CPEB2: variants seen among roughly 807,000 people sequenced by gnomAD.
CPEB2 encodes the protein cytoplasmic polyadenylation element binding protein 2.
A neutral mutation model predicts 93.6 loss-of-function variants in CPEB2; 56 were observed. The ratio of observed to expected loss-of-function variants is 0.60; its 90% CI spans 0.48 to 0.75. The LOEUF (loss-of-function observed/expected upper bound fraction) is 0.75. Ranked by LOEUF, CPEB2 falls within the 30% of genes least tolerant of loss-of-function variation. The pLI is 0.00. For synonymous variants in CPEB2, 764 were observed against 586.3 expected (o/e 1.30, Z -4.38); for missense variants, 1,579 against 1,395.1 (o/e 1.13, Z -2.10).
At chr4:15,023,160 A>G (rs1724989134) in intron 4 of CPEB2, among the ~76,000 whole-genome samples, 1 of 152,024 alleles carries the variant, frequency 6.6e-6, no homozygotes, top group Admixed American at 6.6e-5. Context: ...TCACCACAAA[A>G]CATCTTTCAT....
intron 10 of CPEB2, among the ~76,000 whole-genome samples, chr4:15,061,472 A>G (rs778843059): frequency 1.3e-5 from 2 of 152,008 alleles, no homozygotes; most frequent in Admixed American, 6.6e-5. Context: ...ACTTACAGAT[A>G]GATTGACCAT....
intron 4 of CPEB2, among the ~76,000 whole-genome samples, chr4:15,028,609 T>G (rs551041807): frequency 6.6e-6 from 1 of 151,998 alleles, no homozygotes; most frequent in South Asian, 2.1e-4. Context: ...GCAGAAAAAA[T>G]ATACTATCAA....
chr4:15,013,993 T>C (rs947814812), intron 3 of CPEB2, among the ~76,000 whole-genome samples: 2 of 152,012 alleles, frequency 1.3e-5, no homozygotes, highest in African/African-American at 4.8e-5. Flanking sequence ...CCTCTCAAAA[T>C]TGATTATATA....
chr4:15,052,281 A>G (rs1037442231), intron 6 of CPEB2, 133 bp from the exon 7 acceptor site: 3 of 547,484 alleles, frequency 5.5e-6, no homozygotes, highest in Non-Finnish European at 9.0e-6. Flanking sequence ...TGCTATTTAA[A>G]TTTCTCTTAA....
chr4:15,038,149 A>G (rs1726817652), intron 5 of CPEB2, among the ~76,000 whole-genome samples: 1 of 152,216 alleles, frequency 6.6e-6, no homozygotes, highest in Non-Finnish European at 1.5e-5. Context: ...ATAGCTCTTT[A>G]CAGGATTCTA....
intron 5 of CPEB2, among the ~76,000 whole-genome samples, chr4:15,038,768 T>C (rs1726889531): frequency 6.6e-6 from 1 of 152,062 alleles, no homozygotes; most frequent in Non-Finnish European, 1.5e-5. Flanking sequence ...TTTGTATTTT[T>C]AGTAGAGACG....
intron 4 of CPEB2, among the ~76,000 whole-genome samples, chr4:15,026,233 T>G (rs1217436760): frequency 7.3e-6 from 1 of 137,764 alleles, no homozygotes; most frequent in East Asian, 2.0e-4. Context: ...TTTGTTTTTG[T>G]TTTTGTTTTT....
chr4:15,054,288 C>G, intron 8 of CPEB2, 71 bp downstream of exon 8: 1 of 1,031,034 alleles, frequency 9.7e-7, no homozygotes, highest in Non-Finnish European at 1.5e-6. Context: ...ATAGCAATTA[C>G]TTAGCCAGTT....
intron 4 of CPEB2, among the ~76,000 whole-genome samples, chr4:15,030,454 G>A (rs139574152): frequency 2.0e-5 from 3 of 152,118 alleles, no homozygotes; most frequent in East Asian, 1.9e-4. Flanking sequence ...TCATAGGATC[G>A]TTCTTAGGAT....
Position 15,013,362 on chromosome 4 carries a change from C to T in CPEB2, c.2035-3826C>T, listed in dbSNP as rs182223725. ...GCATGCACACTTTTCCTCATAGAGT[C>T]TTATATTTCTGAAGTATTTTGGTGC... On this transcript the variant is annotated intron_variant, in intron 3 of 11. Transcript: ENST00000538197. Among the ~76,000 whole-genome samples the T allele has an allele frequency of 6.7e-3, 1,013 of 151,996 alleles. 12 individuals are homozygous for T. Among genetic ancestry groups the T allele is most frequent in the African/African-American group, 0.023 (953 of 41,508 alleles).
Position 15,050,511 on chromosome 4 carries a change from C to T in CPEB2, c.2201-1903C>T, listed in dbSNP as rs558119041. On this transcript the variant is annotated intron_variant, in intron 6 of 11. Transcript: ENST00000538197. ...CTGTTTTTCCTTCTCTAACATACTT[C>T]TCTTCATTTGATCTCTATACGTAAT... is the stretch of plus-strand genomic sequence containing the variant. 9.2e-5 allele frequency among the ~76,000 whole-genome samples: 14 copies of T among 152,236 alleles called. No individual in the cohort carries two copies. In the East Asian group the frequency reaches 2.7e-3, roughly 29 times the overall value.
chr4:15,050,712 AT>A (rs1728146770), intron 6 of CPEB2, among the ~76,000 whole-genome samples: 1 of 152,108 alleles, frequency 6.6e-6, no homozygotes, highest in Non-Finnish European at 1.5e-5. Flanking sequence ...TTCTATTACC[AT>A]GATATTTTGG....
chr4:15,036,760 T>G (rs1399362813), intron 5 of CPEB2, among the ~76,000 whole-genome samples: 5 of 152,190 alleles, frequency 3.3e-5, no homozygotes, highest in Non-Finnish European at 7.4e-5. Context: ...AATGTAAATT[T>G]GCTGTGATAA....
chr4:15,055,208 T>G (rs1236514067), intron 8 of CPEB2, among the ~76,000 whole-genome samples: 1 of 152,182 alleles, frequency 6.6e-6, no homozygotes, highest in Non-Finnish European at 1.5e-5. Flanking sequence ...ATGCAATGTT[T>G]TTTTAATACT....
chr4:15,069,176 A>G lies in CPEB2; in HGVS notation c.*2796A>G, dbSNP rs1729916091. On this transcript the variant is annotated 3_prime_UTR_variant, in exon 12 of 12. Transcript: ENST00000538197. ...TTTTGTTAAGAAGGAAACATTTAGC[A>G]TTTATATATTTGTGTATGGAAAACA... The G allele has an allele frequency of 6.6e-6, 1 of 152,186 alleles. No individual in the cohort carries two copies. The highest frequency in any genetic ancestry group is 2.1e-4 in the South Asian group (1 of 4,830). 9.4% of individuals were successfully genotyped at this position (152,186 alleles called of 1,614,324 possible).
intron 5 of CPEB2, among the ~76,000 whole-genome samples, chr4:15,037,617 A>T (rs1726749575): frequency 6.6e-6 from 1 of 152,134 alleles, no homozygotes; most frequent in Non-Finnish European, 1.5e-5. Context: ...CCAGAACCAA[A>T]ATTGTAAAGT....
chr4:15,020,681 T>A (rs993061447), intron 4 of CPEB2, among the ~76,000 whole-genome samples: 6 of 152,232 alleles, frequency 3.9e-5, no homozygotes, highest in African/African-American at 1.4e-4. Context: ...CAACCCAAGA[T>A]GGAATGCAGA....
intron 5 of CPEB2, among the ~76,000 whole-genome samples, chr4:15,034,091 G>C (rs550901875): frequency 1.3e-5 from 2 of 152,286 alleles, no homozygotes; most frequent in African/African-American, 4.8e-5. Flanking sequence ...TCCAGGCCAC[G>C]TAGGAGATGG....
intron 11 of CPEB2, chr4:15,063,915 G>A (rs1025889222): frequency 2.6e-5 from 4 of 152,064 alleles, no homozygotes; most frequent in Non-Finnish European, 5.9e-5. Flanking sequence ...AAGAATTTGA[G>A]CCTTAAATAT....
Sources: gnomAD v4.1 joint callset for allele counts (sites outside exome capture counted in the v4.1 genomes callset) on GRCh38, gnomAD v4.1.1 for gene constraint, MANE v1.5 for transcripts, NCBI Gene and HGNC (gene_info 2026-07-23, HGNC 2026-07-21) for gene names.